Variants in ZNF79 observed in about 807,000 individuals in gnomAD.
ZNF79 encodes zinc finger protein 79, also known as ZNFpT7.
Under a neutral mutation model 14.9 loss-of-function variants are expected in ZNF79, and 13 were observed. That is an observed-to-expected ratio of 0.87 (90% CI 0.57 to 1.38). The LOEUF is 1.38. Among genes scored for constraint, ZNF79 ranks in the 40% most tolerant of loss-of-function variants. ZNF79 has a pLI of 0.00. For missense variants in ZNF79, 631 were observed against 630.6 expected, an observed-to-expected ratio of 1.00 and a Z score of -0.01; for synonymous variants, 223 against 235.1, an observed-to-expected ratio of 0.95 and a Z score of 0.47.
rs554118183 is a variant in ZNF79 at position 127,424,416 on chromosome 9, C to A, written c.-372C>A. The A allele has an allele frequency of 2.3e-5, 5 of 219,720 alleles. No individual in the cohort carries two copies. In the Admixed American group the frequency reaches 2.7e-4, roughly 12 times the overall value. 13.6% of individuals were successfully genotyped at this position (219,720 alleles called of 1,614,324 possible). A position where few individuals can be genotyped will look rare whatever the true frequency, so the allele number is the denominator to read the frequency against. On this transcript the variant is annotated 5_prime_UTR_variant, in exon 1 of 5. Transcript: ENST00000342483. ...CGTCCCTCTGGCGCTGGAGCCAGGA[C>A]CTGGCGTTGGGCGGTACTTGGACAG... is the stretch of plus-strand genomic sequence containing the variant.
chr9:127,429,624 C>T (rs559347046), intron 2 of ZNF79, among the ~76,000 whole-genome samples: 1 of 152,158 alleles, frequency 6.6e-6, no homozygotes, highest in Non-Finnish European at 1.5e-5. Context: ...GGCCACTCCA[C>T]CCCATCATTG....
chr9:127,444,678 TCA>T lies in ZNF79; in HGVS notation c.982_983del (p.Thr328ArgfsTer90). 6.2e-7 allele frequency: 1 copy of T among 1,610,072 alleles called. No individual in the cohort carries two copies. Among genetic ancestry groups the T allele is most frequent in the East Asian group, 2.2e-5 (1 of 44,548 alleles). ...SANLTNHQRT[H>X]TGEKPYKCSE... ...CAAACCTCACGAACCATCAGAGGAC[TCA>T]CACCGGGGAGAAGCCCTACAAGTGC... On this transcript the variant is annotated frameshift_variant, in exon 5 of 5. Transcript: ENST00000342483. LOFTEE classifies it low-confidence loss of function (END_TRUNC).
At chr9:127,426,372 CTTTT>C (rs34029339) in intron 1 of ZNF79, among the ~76,000 whole-genome samples, 4 of 128,506 alleles carry the variant, frequency 3.1e-5, no homozygotes, top group Non-Finnish European at 4.9e-5. Context: ...TAATATGTGA[CTTTT>C]TTTTTTTTTT....
Position 127,444,097 on chromosome 9 carries a change from G to T in ZNF79, c.397G>T (p.Val133Leu). 1 of 1,612,722 alleles carries T rather than the reference G, an allele frequency of 6.2e-7. No homozygotes were observed. The change falls in exon 5 of 5, where the codon GTA becomes TTA. Residue 133 changes from valine to leucine, a missense_variant. Val to Leu is a conservative substitution (Grantham distance 32, BLOSUM62 1). Transcript: ENST00000342483. ...LSEASFQDPC[V>L]EMPPGDSDHG... The stretch of plus-strand genomic sequence containing the variant: ...TGAAGCTTCATTCCAAGACCCATGT[G>T]TAGAGATGCCCCCTGGGGATTCAGA...
rs1833813262 is a variant in ZNF79 at position 127,429,067 on chromosome 9, T to C, written c.105+147T>C. The C allele has an allele frequency of 7.7e-6, 4 of 522,280 alleles. No homozygotes were observed. The Admixed American group carries it at 1.2e-4, about 16-fold the overall frequency. 32.4% of individuals were successfully genotyped at this position (522,280 alleles called of 1,614,324 possible). ...TCTCACTCTGTCGCCCAGGCTGGAG[T>C]GCAGTGGCATGATCTTGGCTCACTG... is the stretch of plus-strand genomic sequence containing the variant. On this transcript the variant is annotated intron_variant, in intron 2 of 4. Coordinates refer to ENST00000342483, the MANE Select transcript of ZNF79 (RefSeq NM_007135.3).
rs1833925444 is a variant in ZNF79, at chr9:127,435,181, G to T, written c.197G>T (p.Gly66Val). 3.1e-6 allele frequency: 5 copies of T among 1,611,630 alleles called. No individual in the cohort carries two copies. Among genetic ancestry groups the T allele is most frequent in the Non-Finnish European group, 4.2e-6 (5 of 1,178,980 alleles). The change falls in exon 3 of 5, where the codon GGG becomes GTG. Residue 66 changes from glycine (G) to valine (V), a missense_variant. Gly to Val is a moderately radical substitution (Grantham distance 109, BLOSUM62 -3). Coordinates refer to ENST00000342483, the MANE Select transcript of ZNF79 (RefSeq NM_007135.3). ...ACTCCACGGGACAGGTTCAAGGAGG[G>T]GATACCAGGAAAGTCCAGGAGCCTT... ...VSTPRDRFKE[G>V]IPGKSRSLVL...
chr9:127,425,051 C>T (rs768643834), intron 1 of ZNF79: 39 of 958,132 alleles, frequency 4.1e-5, no homozygotes, highest in Non-Finnish European at 5.3e-5. Flanking sequence ...TGCGTGATTT[C>T]TGAGTATTGT....
chr9:127,424,598 G>A lies in ZNF79; in HGVS notation c.-190G>A. On this transcript the variant is annotated 5_prime_UTR_variant, in exon 1 of 5. Coordinates refer to ENST00000342483, the MANE Select transcript of ZNF79 (RefSeq NM_007135.3). The stretch of plus-strand genomic sequence containing the variant: ...GGAGACGGAGTGGAACACCCGGCTG[G>A]GCAGGCCCGGACAGCTCCCGCGACC... 1.4e-6 allele frequency: 1 copy of A among 695,356 alleles called. No individual in the cohort carries two copies. The highest frequency in any genetic ancestry group is 2.4e-6 in the Non-Finnish European group (1 of 424,922). The allele number at this position is 695,356 out of a possible 1,614,324, so 43.1% of individuals were successfully genotyped here. A position where few individuals can be genotyped will look rare whatever the true frequency, so the allele number is the denominator to read the frequency against.
intron 1 of ZNF79, 77 bp from the exon 2 acceptor site, chr9:127,428,755 A>G (rs1833805932): frequency 3.7e-6 from 5 of 1,338,236 alleles, no homozygotes; most frequent in African/African-American, 1.5e-5. Flanking sequence ...GATACCTGCT[A>G]TGTCCCCTCT....
rs1253097142 is a variant in ZNF79 at position 127,444,108 on chromosome 9, C to A, written c.408C>A (p.Pro136=). The change falls in exon 5 of 5, where the codon CCC becomes CCA. Residue 136 remains proline, a synonymous_variant. Transcript: ENST00000342483. ...TCCAAGACCCATGTGTAGAGATGCCCCCTGGGGATTCAGACCACGGGACCA... is the reference window on the plus strand; with the variant it reads ...TCCAAGACCCATGTGTAGAGATGCCACCTGGGGATTCAGACCACGGGACCA... ...ASFQDPCVEM[P]PGDSDHGTSD... is the part of the protein sequence containing the mutation. 1 of 1,612,838 alleles carries A rather than the reference C, an allele frequency of 6.2e-7. No individual in the cohort carries two copies. Among genetic ancestry groups the A allele is most frequent in the Non-Finnish European group, 8.5e-7 (1 of 1,179,968 alleles).
At chr9:127,434,137 A>G (rs1169937283) in intron 2 of ZNF79, among the ~76,000 whole-genome samples, 1 of 151,912 alleles carries the variant, frequency 6.6e-6, no homozygotes, top group Non-Finnish European at 1.5e-5. Flanking sequence ...TGTCACCTCC[A>G]TGCTTCTGCT....
chr9:127,430,287 T>C (rs1408227025), intron 2 of ZNF79, among the ~76,000 whole-genome samples: 1 of 152,206 alleles, frequency 6.6e-6, no homozygotes, highest in Non-Finnish European at 1.5e-5. Context: ...TATTTTAGAT[T>C]CGGGGGTATG....
intron 1 of ZNF79, chr9:127,428,621 T>C: frequency 8.5e-7 from 1 of 1,178,264 alleles, no homozygotes; most frequent in Non-Finnish European, 1.1e-6. Context: ...TCATGGATAC[T>C]TGAGAGTCTG....
chr9:127,434,778 A>T (rs1231764695), intron 2 of ZNF79, among the ~76,000 whole-genome samples: 1 of 152,136 alleles, frequency 6.6e-6, no homozygotes, highest in Non-Finnish European at 1.5e-5. Flanking sequence ...CCTCCTGAGA[A>T]GCTGGGATTA....
At chr9:127,440,521 C>T (rs1326809747) in intron 4 of ZNF79, among the ~76,000 whole-genome samples, 2 of 151,928 alleles carry the variant, frequency 1.3e-5, no homozygotes, top group Non-Finnish European at 2.9e-5. Context: ...CATGGTAAGG[C>T]GTTTGGGTTT....
Position 127,443,860 on chromosome 9 carries a change from C to T in ZNF79, c.329-169C>T, listed in dbSNP as rs572705426. 3.5e-5 allele frequency among the ~76,000 whole-genome samples: 5 copies of T among 143,130 alleles called. 1 individual carries two copies. The South Asian group carries it at 1.1e-3, about 31-fold the overall frequency. 93.9% of individuals were successfully genotyped at this position (143,130 alleles called of 152,430 possible). A position where few individuals can be genotyped will look rare whatever the true frequency, so the allele number is the denominator to read the frequency against. On this transcript the variant is annotated intron_variant, in intron 4 of 4. Coordinates refer to ENST00000342483, the MANE Select transcript of ZNF79 (RefSeq NM_007135.3). ...AGGTTGCAGTGAGCTGAGATCGTGC[C>T]ACTGCACTCCAGCCTGGGCGACAGA...
chr9:127,442,792 G>A (rs1188184425), intron 4 of ZNF79, among the ~76,000 whole-genome samples: 1 of 152,116 alleles, frequency 6.6e-6, no homozygotes, highest in Non-Finnish European at 1.5e-5. Flanking sequence ...AGCCCAGGAG[G>A]TCGAGGCTGC....
chr9:127,436,704 C>T (rs1009642403), intron 4 of ZNF79, among the ~76,000 whole-genome samples: 8 of 152,220 alleles, frequency 5.3e-5, no homozygotes, highest in African/African-American at 1.9e-4. Context: ...AGACTTAAGA[C>T]ATCAAAGGTA....
rs767369517 is a variant in ZNF79, at chr9:127,445,080, TAGTC to T, written c.1383_1386del (p.Gln462IlefsTer8). On this transcript the variant is annotated frameshift_variant, in exon 5 of 5. Coordinates refer to ENST00000342483, the MANE Select transcript of ZNF79 (RefSeq NM_007135.3). LOFTEE classifies it high-confidence loss of function. ...AAGCGTTTAACCAGAGCTCATCCCTTAGTCAGCATCAGAGAATCCACACAGGCGT... is the reference window on the plus strand; with the variant it reads ...AAGCGTTTAACCAGAGCTCATCCCTTAGCATCAGAGAATCCACACAGGCGT... The T allele has an allele frequency of 9.4e-5, 152 of 1,608,612 alleles. No homozygotes were observed. The highest frequency in any genetic ancestry group is 2.2e-4 in the African/African-American group (16 of 73,220).
Sources: allele counts gnomAD v4.1 joint callset (sites outside exome capture counted in the v4.1 genomes callset), GRCh38; gene constraint gnomAD v4.1.1; transcripts MANE v1.5; gene names NCBI Gene and HGNC (gene_info 2026-07-23, HGNC 2026-07-21).